The following EXOC6B variants were observed in gnomAD, a reference collection of about 807,000 sequenced individuals.
The protein encoded by EXOC6B is exocyst complex component 6B, also known as SEC15 homolog B.
EXOC6B carries 54 observed loss-of-function variants against 113.5 expected under a neutral mutation model. That is an observed-to-expected ratio of 0.48 (90% CI 0.38 to 0.60). EXOC6B has a LOEUF of 0.60. Ranked by LOEUF, EXOC6B falls within the 20% of genes least tolerant of loss-of-function variation. EXOC6B has a pLI of 0.00. For missense variants in EXOC6B, 797 were observed against 977.5 expected, an observed-to-expected ratio of 0.82 and a Z score of 2.46; for synonymous variants, 357 against 339.0, an observed-to-expected ratio of 1.05 and a Z score of -0.58.
At chr2:72,568,378 G>C (rs1257884199) in intron 7 of EXOC6B, among the ~76,000 whole-genome samples, 2 of 152,006 alleles carry the variant, frequency 1.3e-5, no homozygotes, top group African/African-American at 4.8e-5. Context: ...CACCATCAAT[G>C]TGAAATTTCC....
intron 18 of EXOC6B, among the ~76,000 whole-genome samples, chr2:72,431,698 A>G (rs1342485114): frequency 6.6e-6 from 1 of 152,132 alleles, no homozygotes; most frequent in South Asian, 2.1e-4. Flanking sequence ...TGCAGAATGT[A>G]CAGGTTTGTT....
At chr2:72,203,050 G>T (rs1679586175) in intron 20 of EXOC6B, among the ~76,000 whole-genome samples, 1 of 152,168 alleles carries the variant, frequency 6.6e-6, no homozygotes, top group Non-Finnish European at 1.5e-5. Context: ...AATAATATTT[G>T]CCTTGGTAGA....
chr2:72,647,593 T>C (rs1282794946), intron 6 of EXOC6B, among the ~76,000 whole-genome samples: 1 of 151,962 alleles, frequency 6.6e-6, no homozygotes, highest in Non-Finnish European at 1.5e-5. Flanking sequence ...GATAGACCAA[T>C]GGAACAGAAC....
At chr2:72,545,061 AT>A (rs1156820537) in intron 8 of EXOC6B, among the ~76,000 whole-genome samples, 3 of 152,148 alleles carry the variant, frequency 2.0e-5, no homozygotes, top group African/African-American at 7.2e-5. Context: ...AATAACAGAT[AT>A]TTACTACAGT....
chr2:72,284,380 A>G (rs1234998279), intron 20 of EXOC6B, among the ~76,000 whole-genome samples: 2 of 152,144 alleles, frequency 1.3e-5, no homozygotes, highest in African/African-American at 2.4e-5. Context: ...AAATTACACA[A>G]ACATATCAAC....
At chr2:72,578,836 T>C (rs1705031735) in intron 6 of EXOC6B, among the ~76,000 whole-genome samples, 2 of 152,072 alleles carry the variant, frequency 1.3e-5, no homozygotes. Flanking sequence ...GAAAAAAATA[T>C]TATCCACTCA....
At chr2:72,312,908 AC>A (rs1452667257) in intron 20 of EXOC6B, among the ~76,000 whole-genome samples, 3 of 152,068 alleles carry the variant, frequency 2.0e-5, no homozygotes, top group Non-Finnish European at 4.4e-5. Context: ...TCCCAAGATC[AC>A]CTAGATGCTG....
At chr2:72,601,385 A>G (rs951258386) in intron 6 of EXOC6B, among the ~76,000 whole-genome samples, 4 of 151,900 alleles carry the variant, frequency 2.6e-5, no homozygotes, top group Admixed American at 6.6e-5. Context: ...GGGTTTCACC[A>G]TGTGTTAGCC....
intron 20 of EXOC6B, among the ~76,000 whole-genome samples, chr2:72,330,634 C>T (rs1177335630): frequency 6.6e-6 from 1 of 152,062 alleles, no homozygotes; most frequent in African/African-American, 2.4e-5. Context: ...CTCTACTTCA[C>T]GGCCTCTTTT....
chr2:72,679,321 G>A (rs1676529487), intron 6 of EXOC6B, among the ~76,000 whole-genome samples: 1 of 152,126 alleles, frequency 6.6e-6, no homozygotes, highest in South Asian at 2.1e-4. Context: ...ACTCGCCTCA[G>A]CCTCCCAAAG....
intron 1 of EXOC6B, among the ~76,000 whole-genome samples, chr2:72,753,996 C>T (rs1682230191): frequency 6.6e-6 from 1 of 152,116 alleles, no homozygotes; most frequent in Non-Finnish European, 1.5e-5. Context: ...CAGGCTCAAT[C>T]GATCCTCCTG....
intron 18 of EXOC6B, chr2:72,464,471 G>A (rs1161866780): frequency 6.6e-6 from 1 of 152,330 alleles, no homozygotes; most frequent in African/African-American, 2.4e-5. Context: ...TGGTACTAAG[G>A]TGGTCAGCTT....
intron 6 of EXOC6B, among the ~76,000 whole-genome samples, chr2:72,589,273 AAG>A (rs1406502413): frequency 1.3e-5 from 2 of 152,044 alleles, no homozygotes; most frequent in Non-Finnish European, 2.9e-5. Context: ...AAAATGAAAA[AAG>A]AGATAAATTT....
intron 18 of EXOC6B, among the ~76,000 whole-genome samples, chr2:72,420,674 G>C (rs1694820031): frequency 6.6e-6 from 1 of 152,034 alleles, no homozygotes; most frequent in Non-Finnish European, 1.5e-5. Flanking sequence ...CTTTCCTATT[G>C]TGAACACTGC....
chr2:72,499,229 GA>G lies in EXOC6B; in HGVS notation c.1239+671del, dbSNP rs879532806. ...CAGGTAACTTATCCAAGCTTATGTAGATTTTTTTTTTTTTTTTTTAAGACAG... is the reference window on the plus strand; with the variant it reads ...CAGGTAACTTATCCAAGCTTATGTAGTTTTTTTTTTTTTTTTTTAAGACAG... On this transcript the variant is annotated intron_variant, in intron 12 of 21. Transcript: ENST00000272427. Among the ~76,000 whole-genome samples, 83 of 149,230 alleles carry G rather than the reference GA, an allele frequency of 5.6e-4. 1 individual carries two copies. The East Asian group carries it at 0.013, about 23-fold the overall frequency.
chr2:72,242,907 A>T (rs1467225534), intron 20 of EXOC6B, among the ~76,000 whole-genome samples: 3 of 151,812 alleles, frequency 2.0e-5, no homozygotes, highest in Admixed American at 6.6e-5. Flanking sequence ...TAATATTTAA[A>T]TTTTTTTTGT....
At chr2:72,529,476 A>G (rs987490251) in intron 8 of EXOC6B, among the ~76,000 whole-genome samples, 1 of 152,226 alleles carries the variant, frequency 6.6e-6, no homozygotes, top group African/African-American at 2.4e-5. Flanking sequence ...TTAACTTCAT[A>G]AAATGAATTG....
chr2:72,536,894 A>G (rs1258801341), intron 8 of EXOC6B, among the ~76,000 whole-genome samples: 1 of 152,202 alleles, frequency 6.6e-6, no homozygotes, highest in East Asian at 1.9e-4. Context: ...ACAACTTTGC[A>G]TTGTATGAAG....
At chr2:72,225,004 A>ATATATATATATATATATATATATATC in intron 20 of EXOC6B, among the ~76,000 whole-genome samples, 1 of 146,100 alleles carries the variant, frequency 6.8e-6, no homozygotes, top group Non-Finnish European at 1.5e-5. Flanking sequence ...GTATATATAT[A>ATATATATATATATATATATATATATC]TAAATACACA....
Sources: gnomAD v4.1 joint callset for allele counts (sites outside exome capture counted in the v4.1 genomes callset) on GRCh38, gnomAD v4.1.1 for gene constraint, MANE v1.5 for transcripts, NCBI Gene and HGNC (gene_info 2026-07-23, HGNC 2026-07-21) for gene names.